ANKRD27: variants seen among roughly 807,000 people sequenced by gnomAD.
The protein encoded by ANKRD27 is ankyrin repeat domain 27, also known as ankyrin repeat domain-containing protein 27.
Under a neutral mutation model 129.7 loss-of-function variants are expected in ANKRD27, and 112 were observed. The observed-to-expected ratio is 0.86, with a 90% CI of 0.74 to 1.01. ANKRD27 has a LOEUF of 1.01. Among genes scored for constraint, ANKRD27 ranks in the 50% least tolerant of loss-of-function variants. The pLI is 0.00. For missense variants in ANKRD27, 1,258 were observed against 1,300.5 expected (o/e 0.97, Z 0.50); for synonymous variants, 516 against 511.2 (o/e 1.01, Z -0.13).
chr19:32,654,555 C>A (rs1447018182), intron 2 of ANKRD27, among the ~76,000 whole-genome samples: 1 of 152,196 alleles, frequency 6.6e-6, no homozygotes, highest in Non-Finnish European at 1.5e-5. Context: ...CCTCCTCACA[C>A]GGACAAGAGG....
intron 1 of ANKRD27, among the ~76,000 whole-genome samples, chr19:32,665,734 C>T (rs1356481277): frequency 1.3e-5 from 2 of 151,884 alleles, no homozygotes; most frequent in African/African-American, 2.4e-5. Context: ...GCTGGGATTA[C>T]AGGCATGAGC....
intron 1 of ANKRD27, among the ~76,000 whole-genome samples, chr19:32,663,099 A>C (rs8113523): frequency 0.049 from 7,533 of 152,286 alleles, 569 homozygotes; most frequent in African/African-American, 0.15. Flanking sequence ...AAGTAAATGT[A>C]TATACATACA....
At chr19:32,624,570 G>A (rs1419024171) in intron 17 of ANKRD27, among the ~76,000 whole-genome samples, 1 of 152,194 alleles carries the variant, frequency 6.6e-6, no homozygotes, top group African/African-American at 2.4e-5. Context: ...AAGCCAGAAG[G>A]AGGGCGGGTA....
chr19:32,621,991 C>T (rs1444912237), intron 18 of ANKRD27, among the ~76,000 whole-genome samples: 2 of 152,152 alleles, frequency 1.3e-5, no homozygotes, highest in African/African-American at 2.4e-5. Context: ...AGCTCATTAA[C>T]AAATTATGTA....
chr19:32,640,615 A>C (rs999882164), intron 10 of ANKRD27, among the ~76,000 whole-genome samples: 19 of 152,100 alleles, frequency 1.2e-4, no homozygotes, highest in Admixed American at 1.2e-3. Context: ...GGTATTAGTA[A>C]CTCTAGCCAG....
intron 3 of ANKRD27, among the ~76,000 whole-genome samples, chr19:32,649,288 T>C (rs966830133): frequency 3.9e-5 from 6 of 152,122 alleles, no homozygotes; most frequent in African/African-American, 1.4e-4. Flanking sequence ...AAAAAGCTTT[T>C]AAAAACTAAA....
intron 1 of ANKRD27, among the ~76,000 whole-genome samples, chr19:32,663,797 C>A (rs1233385884): frequency 6.6e-6 from 1 of 152,154 alleles, no homozygotes; most frequent in Non-Finnish European, 1.5e-5. Context: ...TGGCTCACGC[C>A]TGTAATCCCA....
Position 32,599,704 on chromosome 19 carries a change from C to G in ANKRD27, c.2919G>C (p.Glu973Asp). 4.3e-6 allele frequency: 7 copies of G among 1,611,972 alleles called. No homozygotes were observed. Among genetic ancestry groups the G allele is most frequent in the Non-Finnish European group, 5.1e-6 (6 of 1,179,422 alleles). The change falls in exon 28 of 29, where the codon GAG becomes GAC. Residue 973 changes from glutamate to aspartate, a missense_variant and splice_region_variant. Coordinates refer to ENST00000306065, the MANE Select transcript of ANKRD27 (RefSeq NM_032139.3). ...VPNLTEGSLH[E>D]PGRQSVTLRQ... The stretch of plus-strand genomic sequence containing the variant: ...TAAAAGCCAGTGTTTAATAACTTAC[C>G]TCATGCAAAGAACCTTCGGTTAAAT...
chr19:32,637,217 G>A (rs1967107812), intron 12 of ANKRD27: 1 of 152,220 alleles, frequency 6.6e-6, no homozygotes, highest in Admixed American at 6.5e-5. Context: ...TATTTTGGGA[G>A]ATTCTACATC....
intron 1 of ANKRD27, among the ~76,000 whole-genome samples, chr19:32,668,134 C>T (rs959320175): frequency 1.3e-5 from 2 of 152,148 alleles, no homozygotes; most frequent in African/African-American, 4.8e-5. Flanking sequence ...AACTTCTATA[C>T]ATCCTCATCT....
chr19:32,646,017 C>T (rs535559104), intron 4 of ANKRD27, among the ~76,000 whole-genome samples: 107 of 151,728 alleles, frequency 7.1e-4, no homozygotes, highest in African/African-American at 2.4e-3. Context: ...CTGCAACCTC[C>T]ACTTTCTGGG....
At chr19:32,620,992 TCTCTA>T (rs1315104354) in intron 18 of ANKRD27, among the ~76,000 whole-genome samples, 1 of 152,082 alleles carries the variant, frequency 6.6e-6, no homozygotes, top group Non-Finnish European at 1.5e-5. Flanking sequence ...TGTCCACTCT[TCTCTA>T]AACTCATCAA....
intron 22 of ANKRD27, among the ~76,000 whole-genome samples, chr19:32,609,362 G>T (rs892423416): frequency 2.6e-5 from 4 of 152,080 alleles, no homozygotes; most frequent in Non-Finnish European, 5.9e-5. Flanking sequence ...CCACACAAAG[G>T]CCTGTACACA....
chr19:32,636,839 C>A lies in ANKRD27; in HGVS notation c.1116+2517G>T, dbSNP rs574188298. ...CTCAGCTCACTGCAACCTCTGCCTCCCGGATTAATGCAATTCTCCTGCCTC... is the reference window on the plus strand; with the variant it reads ...CTCAGCTCACTGCAACCTCTGCCTCACGGATTAATGCAATTCTCCTGCCTC... On this transcript the variant is annotated intron_variant, in intron 12 of 28. Transcript: ENST00000306065. Among the ~76,000 whole-genome samples, 8 of 151,932 alleles carry A rather than the reference C, an allele frequency of 5.3e-5. No individual in the cohort carries two copies. The South Asian group carries it at 1.7e-3, about 32-fold the overall frequency.
intron 12 of ANKRD27, among the ~76,000 whole-genome samples, chr19:32,635,609 T>C (rs527810899): frequency 6.6e-6 from 1 of 152,098 alleles, no homozygotes; most frequent in Admixed American, 6.6e-5. Flanking sequence ...CCAGCCCACA[T>C]ACATACTCTA....
At chr19:32,628,683 G>C in intron 14 of ANKRD27, 39 bp downstream of exon 14, 1 of 1,611,586 alleles carries the variant, frequency 6.2e-7, no homozygotes, top group East Asian at 2.2e-5. Context: ...CCTGTCTCCT[G>C]CTTCCTGGCA....
At chr19:32,649,971 C>T (rs76166580) in intron 2 of ANKRD27, among the ~76,000 whole-genome samples, 179 bp from the exon 3 acceptor site, 17,740 of 152,076 alleles carry the variant, frequency 0.12, 1,569 homozygotes, top group African/African-American at 0.25. Context: ...TCTGCTGCTG[C>T]TGTTGTTGTT....
chr19:32,628,304 G>T, intron 14 of ANKRD27, 139 bp from the exon 15 acceptor site: 1 of 685,476 alleles, frequency 1.5e-6, no homozygotes, highest in Non-Finnish European at 2.5e-6. Context: ...CTCCGGCACT[G>T]TCCCAGTGCT....
At position 32,654,495 on chromosome 19, in the gene ANKRD27, T is replaced by G. The variant is rs568240086; in HGVS notation, c.102+4419A>C. ...ATATTCGACTTTTTCTTTCAATCTA[T>G]GAACATAGGTAGAGCACAACTGCGG... On this transcript the variant is annotated intron_variant, in intron 2 of 28. Coordinates refer to ENST00000306065, the MANE Select transcript of ANKRD27 (RefSeq NM_032139.3). 1.2e-4 allele frequency among the ~76,000 whole-genome samples: 18 copies of G among 152,278 alleles called. No individual in the cohort carries two copies. In the East Asian group the frequency reaches 3.5e-3, roughly 29 times the overall value.
Sources: allele counts gnomAD v4.1 joint callset (sites outside exome capture counted in the v4.1 genomes callset), GRCh38; gene constraint gnomAD v4.1.1; transcripts MANE v1.5; gene names NCBI Gene and HGNC (gene_info 2026-07-23, HGNC 2026-07-21).